GDAP1: variants seen among roughly 807,000 people sequenced by gnomAD.
GDAP1 encodes the protein ganglioside-induced differentiation-associated protein 1.
GDAP1 carries 34 observed loss-of-function variants against 40.1 expected under a neutral mutation model. The observed-to-expected ratio is 0.85, with a 90% CI of 0.64 to 1.13. The LOEUF (loss-of-function observed/expected upper bound fraction) is 1.13, where lower values mean the gene tolerates loss of function less well. GDAP1 is among the 50% of genes most tolerant of loss of function. The pLI is 0.00. For synonymous variants in GDAP1, 170 were observed against 157.4 expected (o/e 1.08, Z -0.60); for missense variants, 374 against 433.7 (o/e 0.86, Z 1.22).
chr8:74,457,982 T>C (rs1465822486), intron 2 of GDAP1, among the ~76,000 whole-genome samples: 1 of 152,184 alleles, frequency 6.6e-6, no homozygotes, highest in Non-Finnish European at 1.5e-5. Flanking sequence ...GATAATTCTT[T>C]CTTCAAATGA....
intron 2 of GDAP1, among the ~76,000 whole-genome samples, chr8:74,389,641 T>A (rs567507319): frequency 1.3e-5 from 2 of 152,192 alleles, no homozygotes; most frequent in South Asian, 4.1e-4. Context: ...GTGAATCTGA[T>A]GATTATGTGT....
chr8:74,397,199 G>T lies in GDAP1; in HGVS notation c.165+45878G>T, dbSNP rs866166844. Among the ~76,000 whole-genome samples, 936 of 144,466 alleles carry T rather than the reference G, an allele frequency of 6.5e-3. 4 individuals carry two copies. The highest frequency in any genetic ancestry group is 0.014 in the Middle Eastern group (4 of 282). The allele number at this position is 144,466 out of a possible 152,430, so 94.8% of individuals were successfully genotyped here. On this transcript the variant is annotated intron_variant, in intron 2 of 2. Coordinates refer to the GDAP1 transcript ENST00000523640. ...ATGTCCTTTGCCCGCTTTTTGATGG[G>T]TTTTTTTTTTTTTTTCTTGTAAATT...
intron 2 of GDAP1, among the ~76,000 whole-genome samples, chr8:74,374,773 A>G (rs1355475910): frequency 6.6e-6 from 1 of 152,186 alleles, no homozygotes; most frequent in Non-Finnish European, 1.5e-5. Flanking sequence ...GAAAAATACA[A>G]CTTCTCAAAA....
At chr8:74,480,109 C>T (rs576782551) in intron 2 of GDAP1, among the ~76,000 whole-genome samples, 1 of 151,616 alleles carries the variant, frequency 6.6e-6, no homozygotes, top group Admixed American at 6.6e-5. Flanking sequence ...CTGCTTTAGC[C>T]TCCCGAGTAG....
At chr8:74,408,062 C>G (rs781215587) in intron 2 of GDAP1, among the ~76,000 whole-genome samples, 2 of 150,076 alleles carry the variant, frequency 1.3e-5, no homozygotes, top group Non-Finnish European at 2.9e-5. Context: ...TCACTCAAGA[C>G]ACATCCTGAT....
In GDAP1 at chr8:74,364,648, C is replaced by A. The variant is rs903612555; in HGVS notation, c.*281C>A. 9.2e-6 allele frequency: 5 copies of A among 542,976 alleles called. No homozygotes were observed. In the African/African-American group the frequency reaches 9.4e-5, roughly 10 times the overall value. 33.6% of individuals were successfully genotyped at this position (542,976 alleles called of 1,614,324 possible). On this transcript the variant is annotated 3_prime_UTR_variant, in exon 6 of 6. Coordinates refer to ENST00000220822, the MANE Select transcript of GDAP1 (RefSeq NM_018972.4). Reference sequence around the variant, plus strand: ...ATAGGGTAGAGCAATAGAAAGTAAGCTTCGGGTGCCTCCAACGTTCATGGC... The same window carrying A: ...ATAGGGTAGAGCAATAGAAAGTAAGATTCGGGTGCCTCCAACGTTCATGGC...
intron 2 of GDAP1, among the ~76,000 whole-genome samples, chr8:74,389,195 T>C (rs1810071370): frequency 2.0e-5 from 3 of 152,204 alleles, no homozygotes; most frequent in Admixed American, 2.0e-4. Flanking sequence ...GATAATATTG[T>C]TATGTGTGAA....
chr8:74,472,872 C>T (rs1433147988), intron 2 of GDAP1, among the ~76,000 whole-genome samples: 2 of 152,100 alleles, frequency 1.3e-5, no homozygotes, highest in Non-Finnish European at 2.9e-5. Flanking sequence ...CTCAGCCTCC[C>T]AAGTGGCTGG....
intron 2 of GDAP1, among the ~76,000 whole-genome samples, chr8:74,476,974 T>G (rs1806637579): frequency 6.6e-6 from 1 of 151,280 alleles, no homozygotes; most frequent in South Asian, 2.1e-4. Flanking sequence ...AGAGGTTCTG[T>G]TTGTCCCTTT....
At chr8:74,375,304 G>A (rs1369715248) in intron 2 of GDAP1, among the ~76,000 whole-genome samples, 1 of 149,410 alleles carries the variant, frequency 6.7e-6, no homozygotes, top group Non-Finnish European at 1.5e-5. Context: ...TCCAGCCTGG[G>A]CCATGGAGCG....
intron 2 of GDAP1, among the ~76,000 whole-genome samples, chr8:74,373,133 A>G (rs958964276): frequency 2.0e-5 from 3 of 152,198 alleles, no homozygotes; most frequent in Non-Finnish European, 4.4e-5. Flanking sequence ...TTTTGGTACC[A>G]GTACCATGCT....
chr8:74,448,818 G>T (rs7816881), intron 2 of GDAP1, among the ~76,000 whole-genome samples: 1 of 151,960 alleles, frequency 6.6e-6, no homozygotes, highest in African/African-American at 2.4e-5. Flanking sequence ...TCAGATATAT[G>T]CATTACAAGT....
chr8:74,409,633 G>A (rs190231542), intron 2 of GDAP1, among the ~76,000 whole-genome samples: 14 of 150,096 alleles, frequency 9.3e-5, no homozygotes, highest in Non-Finnish European at 1.3e-4. Context: ...AATTATAGGC[G>A]TGAGCCACCG....
In GDAP1 at chr8:74,411,627, A is replaced by G. The variant is rs992366891; in HGVS notation, c.165+60306A>G. 4.7e-5 allele frequency among the ~76,000 whole-genome samples: 7 copies of G among 148,652 alleles called. 1 individual carries two copies. The highest frequency in any genetic ancestry group is 1.6e-4 in the African/African-American group (6 of 38,290). The stretch of plus-strand genomic sequence containing the variant: ...CTGGATGCAGTGGCTCATGCTTGCA[A>G]TCCCAGTACTTTGGGAGTCCAAGGT... On this transcript the variant is annotated intron_variant, in intron 2 of 2. Transcript: ENST00000523640.
intron 2 of GDAP1, among the ~76,000 whole-genome samples, chr8:74,422,352 C>CCCTTCCTTCCTTCCTTCCTTCCTT (rs56384829): frequency 2.9e-5 from 1 of 34,222 alleles, no homozygotes; most frequent in African/African-American, 1.0e-4. Flanking sequence ...TTTCTTTCTT[C>CCCTTCCTTCCTTCCTTCCTTCCTT]CCTTCCTTCC....
At chr8:74,460,290 A>G (rs543211360) in intron 2 of GDAP1, among the ~76,000 whole-genome samples, 4 of 152,318 alleles carry the variant, frequency 2.6e-5, no homozygotes, top group African/African-American at 9.6e-5. Flanking sequence ...GGAGAAATTT[A>G]TTTTGACTAA....
intron 2 of GDAP1, among the ~76,000 whole-genome samples, chr8:74,482,339 A>G (rs1806723364): frequency 6.6e-6 from 1 of 152,242 alleles, no homozygotes; most frequent in South Asian, 2.1e-4. Context: ...AGGATCCAAT[A>G]TGGCTTTCCA....
rs547007128 is a variant in GDAP1, at chr8:74,356,835, C to G, written c.311-3302C>G. On this transcript the variant is annotated intron_variant, in intron 2 of 5. Transcript: ENST00000220822. ...GTTCAAGCGATTCCCCTGCCTCAGC[C>G]TCCCGAGTAGCTGGGACTATAGGCG... Among the ~76,000 whole-genome samples the G allele has an allele frequency of 3.3e-3, 500 of 151,550 alleles. 1 individual carries two copies. Among genetic ancestry groups the G allele is most frequent in the African/African-American group, 0.011 (475 of 41,352 alleles).
At chr8:74,396,198 A>G (rs963144694) in intron 2 of GDAP1, among the ~76,000 whole-genome samples, 3 of 152,112 alleles carry the variant, frequency 2.0e-5, no homozygotes, top group Non-Finnish European at 2.9e-5. Flanking sequence ...TGGTTTTGAA[A>G]TGTCTAAAAA....
Sources: allele counts gnomAD v4.1 joint callset (sites outside exome capture counted in the v4.1 genomes callset), GRCh38; gene constraint gnomAD v4.1.1; transcripts MANE v1.5; gene names NCBI Gene and HGNC (gene_info 2026-07-23, HGNC 2026-07-21).